The following PIK3C2B variants were observed in gnomAD, a reference collection of about 807,000 sequenced individuals.
PIK3C2B encodes the protein phosphatidylinositol-4-phosphate 3-kinase catalytic subunit type 2 beta.
Under a neutral mutation model 184.3 loss-of-function variants are expected in PIK3C2B, and 83 were observed. The observed-to-expected ratio is 0.45, with a 90% confidence interval of 0.38 to 0.54. The LOEUF (loss-of-function observed/expected upper bound fraction) is 0.54. Ranked by LOEUF, PIK3C2B falls within the 20% of genes least tolerant of loss-of-function variation. PIK3C2B has a pLI of 0.00. For synonymous variants in PIK3C2B, 779 were observed against 837.6 expected, an observed-to-expected ratio of 0.93 and a Z score of 1.21; for missense variants, 1,736 against 2,113.5, an observed-to-expected ratio of 0.82 and a Z score of 3.50.
At chr1:204,449,709 G>T in intron 13 of PIK3C2B, 141 bp downstream of exon 13, 1 of 744,192 alleles carries the variant, frequency 1.3e-6, no homozygotes, top group Non-Finnish European at 2.2e-6. Context: ...TTCTGTGCTT[G>T]GGGATCCTCT....
chr1:204,434,019 G>C, intron 24 of PIK3C2B, 70 bp from the exon 25 acceptor site: 1 of 1,308,576 alleles, frequency 7.6e-7, no homozygotes, highest in Non-Finnish European at 1.1e-6. Flanking sequence ...GGCTGCATCA[G>C]GGGTCAGTTT....
At chr1:204,464,299 G>A in intron 4 of PIK3C2B, 151 bp downstream of exon 4, 1 of 1,046,774 alleles carries the variant, frequency 9.6e-7, no homozygotes, top group South Asian at 1.5e-5. Context: ...GTACTAGAAT[G>A]CTGGCCCCAT....
intron 31 of PIK3C2B, 24 bp downstream of exon 31, chr1:204,427,624 A>T: frequency 6.6e-7 from 1 of 1,519,662 alleles, no homozygotes; most frequent in Non-Finnish European, 9.1e-7. Flanking sequence ...AAAGAAAAAA[A>T]ATCACGGCTG....
chr1:204,465,167 C>CACCCCAA, intron 3 of PIK3C2B, 52 bp downstream of exon 3: 2 of 760,396 alleles, frequency 2.6e-6, no homozygotes, highest in East Asian at 3.1e-5. Context: ...GATGGCCCCC[C>CACCCCAA]TCCCCATCCC....
intron 1 of PIK3C2B, among the ~76,000 whole-genome samples, chr1:204,493,672 T>A (rs1186310249): frequency 6.6e-6 from 1 of 152,088 alleles, no homozygotes; most frequent in African/African-American, 2.4e-5. Context: ...CCACACCAGC[T>A]TGGCAGCCTT....
rs779068689 is a variant in PIK3C2B, at chr1:204,469,217, C to G, written c.586G>C (p.Glu196Gln). 1.9e-6 allele frequency: 3 copies of G among 1,606,960 alleles called. No individual in the cohort carries two copies. The highest frequency in any genetic ancestry group is 2.6e-6 in the Non-Finnish European group (3 of 1,175,634). The change falls in exon 2 of 33, where the codon GAA (glutamate) becomes CAA (glutamine). Residue 196 changes from glutamate to glutamine, a missense_variant. Coordinates refer to ENST00000684373, the MANE Select transcript of PIK3C2B (RefSeq NM_001377334.1). ...PSDINTFSLVEQLPGKLLEHR... is the reference protein window; with the variant it reads ...PSDINTFSLVQQLPGKLLEHR... ...TCTAGCAGTTTGCCCGGCAATTGTT[C>G]GACCAAAGAGAAAGTGTTGATGTCA...
chr1:204,447,568 G>A lies in PIK3C2B; in HGVS notation c.2357C>T (p.Pro786Leu), dbSNP rs1653987061. Reference protein sequence around the residue: ...PDSVILQIDFPTSAFDIKFTS... With the variant: ...PDSVILQIDFLTSAFDIKFTS... Reference sequence around the variant, plus strand: ...GAACTTGATGTCAAAGGCCGAGGTGGGGAAGTCAATCTGGGGGATGAGATC... The same window carrying A: ...GAACTTGATGTCAAAGGCCGAGGTGAGGAAGTCAATCTGGGGGATGAGATC... The change falls in exon 15 of 33, where the codon CCC becomes CTC. Residue 786 changes from proline to leucine, a missense_variant. Around this residue, in one of 8 missense-constraint regions of PIK3C2B, gnomAD observed 609 missense variants for 699.2 expected, o/e 0.87. Coordinates refer to ENST00000684373, the MANE Select transcript of PIK3C2B (RefSeq NM_001377334.1). This position sits in a 1 kb window ranked among gnomAD's most constrained non-coding sequence, Gnocchi z 4.1. 6.2e-7 allele frequency: 1 copy of A among 1,608,552 alleles called. No homozygotes were observed. The highest frequency in any genetic ancestry group is 1.1e-5 in the South Asian group (1 of 90,986).
rs45492196 is a variant in PIK3C2B, at chr1:204,465,310, G to A, written c.943C>T (p.Arg315Trp). The change falls in exon 3 of 33, where the codon CGG becomes TGG. Residue 315 changes from arginine (R) to tryptophan (W), a missense_variant. Transcript: ENST00000684373. The stretch of plus-strand genomic sequence containing the variant: ...TGGCCATTGGCAACAGTGTGGGGCC[G>A]GGAGCCCACCTTTAAGAGAAGAGCA... ...RRISAAPVGS[R>W]PHTVANGHEL... 0.045 allele frequency: 71,637 copies of A among 1,609,106 alleles called. 1,918 individuals are homozygous for A. The highest frequency in any genetic ancestry group is 0.05 in the Non-Finnish European group (58,524 of 1,175,538).
intron 16 of PIK3C2B, among the ~76,000 whole-genome samples, chr1:204,444,769 C>T (rs1030941082): frequency 6.6e-6 from 1 of 152,166 alleles, no homozygotes; most frequent in Non-Finnish European, 1.5e-5. Context: ...ATTGGAGGGC[C>T]CTGATGTGGG....
rs757025537 is a variant in PIK3C2B at position 204,429,965 on chromosome 1, C to T, written c.4354G>A (p.Gly1452Ser). The T allele has an allele frequency of 9.3e-6, 15 of 1,612,800 alleles. No individual in the cohort carries two copies. The Admixed American group carries it at 1.0e-4, about 11-fold the overall frequency. ...GCGTGGATCAAGTGCCAGATGTAAC[C>T]GTTTAGCTCCTCCCTCCGCCGCTCG... Reference protein sequence around the residue: ...VAERRREELNGYIWHLIHAPP... With the variant: ...VAERRREELNSYIWHLIHAPP... The change falls in exon 29 of 33, where the codon GGT (glycine) becomes AGT (serine). Residue 1452 changes from glycine to serine, a missense_variant. By Grantham distance (56) the Gly-to-Ser change is moderately conservative. Transcript: ENST00000684373.
At position 204,424,766 on chromosome 1, in the gene PIK3C2B, TTCACAAGGAGGAGTC is replaced by T; in HGVS notation, c.*71_*85del. 2 of 1,409,240 alleles carry T rather than the reference TTCACAAGGAGGAGTC, an allele frequency of 1.4e-6. No homozygotes were observed. Among genetic ancestry groups the T allele is most frequent in the South Asian group, 2.3e-5 (2 of 86,784 alleles). 87.3% of individuals were successfully genotyped at this position (1,409,240 alleles called of 1,614,324 possible). ...GGAGGCCTGCCCAGGGCCCTGGCCCTTCACAAGGAGGAGTCTCACAGGGGAGAGTCCTCTCCCCCA... is the reference window on the plus strand; with the variant it reads ...GGAGGCCTGCCCAGGGCCCTGGCCCTTCACAGGGGAGAGTCCTCTCCCCCA... On this transcript the variant is annotated 3_prime_UTR_variant, in exon 33 of 33. Coordinates refer to ENST00000684373, the MANE Select transcript of PIK3C2B (RefSeq NM_001377334.1).
At chr1:204,481,860 G>A (rs983417864) in intron 1 of PIK3C2B, among the ~76,000 whole-genome samples, 1 of 152,184 alleles carries the variant, frequency 6.6e-6, no homozygotes, top group Non-Finnish European at 1.5e-5. Context: ...CCACAGACCA[G>A]GGTAGGAAAG....
chr1:204,489,519 G>C (rs1020443039), intron 1 of PIK3C2B, among the ~76,000 whole-genome samples: 2 of 151,144 alleles, frequency 1.3e-5, no homozygotes, highest in African/African-American at 4.9e-5. Flanking sequence ...TTAAAGTCTA[G>C]AGTGAAAATC....
Position 204,425,597 on chromosome 1 carries a change from C to A in PIK3C2B, c.4716+16G>T. 1.2e-6 allele frequency: 2 copies of A among 1,613,920 alleles called. No homozygotes were observed. The highest frequency in any genetic ancestry group is 4.5e-5 in the East Asian group (2 of 44,878). On this transcript the variant is annotated intron_variant, in intron 32 of 32. Coordinates refer to ENST00000684373, the MANE Select transcript of PIK3C2B (RefSeq NM_001377334.1). ...GTTGCCAACCCCTGCCCTACCCCAC[C>A]ATTTTCCCCACCCACCATCTCATTG... is the stretch of plus-strand genomic sequence containing the variant.
chr1:204,447,528 T>C lies in PIK3C2B; in HGVS notation c.2397A>G (p.Gly799=). The change falls in exon 15 of 33, where the codon GGA becomes GGG. Residue 799 remains glycine, a synonymous_variant. Transcript: ENST00000684373. The surrounding 1 kb of genome is among the most constrained non-coding windows in gnomAD (Gnocchi z 4.1). Reference sequence around the variant, plus strand: ...ACTCATAGCGGGGGCTGAACTTGTCTCCAGGGGGGCTGGTGAACTTGATGT... The same window carrying C: ...ACTCATAGCGGGGGCTGAACTTGTCCCCAGGGGGGCTGGTGAACTTGATGT... ...AFDIKFTSPP[G]DKFSPRYEFG... The C allele has an allele frequency of 6.2e-7, 1 of 1,601,654 alleles. No homozygotes were observed. Among genetic ancestry groups the C allele is most frequent in the South Asian group, 1.1e-5 (1 of 90,624 alleles).
intron 12 of PIK3C2B, among the ~76,000 whole-genome samples, chr1:204,451,894 C>G (rs1039646295): frequency 6.6e-6 from 1 of 152,234 alleles, no homozygotes; most frequent in Admixed American, 6.5e-5. Flanking sequence ...GTCCTAACTG[C>G]TCCTCAAACA....
intron 5 of PIK3C2B, among the ~76,000 whole-genome samples, chr1:204,463,506 GA>G (rs1655497993): frequency 6.6e-6 from 1 of 152,146 alleles, no homozygotes; most frequent in Non-Finnish European, 1.5e-5. Flanking sequence ...ACGCCTTTGG[GA>G]GGAGGATAAC....
intron 23 of PIK3C2B, among the ~76,000 whole-genome samples, chr1:204,437,556 AG>A (rs1296676864): frequency 6.6e-6 from 1 of 152,166 alleles, no homozygotes; most frequent in Non-Finnish European, 1.5e-5. Context: ...CTCTAGATGG[AG>A]GAGAGGCATT....
intron 12 of PIK3C2B, among the ~76,000 whole-genome samples, chr1:204,453,650 T>C (rs886490063): frequency 2.0e-5 from 3 of 152,134 alleles, no homozygotes; most frequent in African/African-American, 7.2e-5. Context: ...AAGCACAGTC[T>C]CCTCTCCATA....
Sources: allele counts gnomAD v4.1 joint callset (sites outside exome capture counted in the v4.1 genomes callset), GRCh38; gene constraint gnomAD v4.1.1; regional missense constraint gnomAD v4.1.1; non-coding constraint Gnocchi (gnomAD v3.1); transcripts MANE v1.5; gene names NCBI Gene and HGNC (gene_info 2026-07-23, HGNC 2026-07-21).